The following RNMT variants were observed in gnomAD, a reference collection of about 807,000 sequenced individuals.
The protein encoded by RNMT is mRNA cap guanine-N(7) methyltransferase.
In RNMT, 27 loss-of-function variants were observed where a neutral mutation model predicts 56.0. The ratio of observed to expected loss-of-function variants is 0.48; its 90% CI spans 0.36 to 0.67. The LOEUF is 0.67. RNMT is among the 30% of genes least tolerant of loss of function. The pLI is 0.00. For missense variants in RNMT, 519 were observed against 552.1 expected, an observed-to-expected ratio of 0.94 and a Z score of 0.60; for synonymous variants, 184 against 176.2, an observed-to-expected ratio of 1.04 and a Z score of -0.35.
At position 13,760,192 on chromosome 18, in the gene RNMT, T is replaced by C. The variant is rs2044602433; in HGVS notation, c.*213T>C. On this transcript the variant is annotated 3_prime_UTR_variant, in exon 12 of 12. Transcript: ENST00000383314. ...AAGAATGAGTTGGGACCTCTGTCTT[T>C]AAAAATCTATTTTTAGGTAATGTTC... The C allele has an allele frequency of 7.9e-7, 1 of 1,258,410 alleles. No individual in the cohort carries two copies. Among genetic ancestry groups the C allele is most frequent in the African/African-American group, 1.5e-5 (1 of 65,322 alleles). The allele number at this position is 1,258,410 out of a possible 1,614,324, so 78.0% of individuals were successfully genotyped here.
chr18:13,741,744 A>C lies in RNMT; in HGVS notation c.974+53A>C, dbSNP rs541403846. The C allele has an allele frequency of 3.6e-4, 419 of 1,160,194 alleles. 2 individuals are homozygous for C. Among genetic ancestry groups the C allele is most frequent in the Admixed American group, 1.2e-3 (51 of 41,584 alleles). The allele number at this position is 1,160,194 out of a possible 1,614,324, so 71.9% of individuals were successfully genotyped here. A position where few individuals can be genotyped will look rare whatever the true frequency, so the allele number is the denominator to read the frequency against. ...TATAAAATATTCAGTATTAAGTAGC[A>C]AATGTTTATCAGAGGTAGATTTTAT... On this transcript the variant is annotated intron_variant, in intron 7 of 11. Coordinates refer to ENST00000383314, the MANE Select transcript of RNMT (RefSeq NM_003799.3).
At chr18:13,753,994 G>A (rs1012122841) in intron 10 of RNMT, 120 bp from the exon 11 acceptor site, 9 of 596,582 alleles carry the variant, frequency 1.5e-5, no homozygotes, top group African/African-American at 1.9e-5. Context: ...ACAGTGAATC[G>A]AATGTGTATT....
At chr18:13,751,105 A>G (rs2044436682) in intron 9 of RNMT, among the ~76,000 whole-genome samples, 1 of 152,174 alleles carries the variant, frequency 6.6e-6, no homozygotes, top group Admixed American at 6.5e-5. Context: ...AAAAGCCAAA[A>G]CTGACAAATG....
rs921084384 is a variant in RNMT, at chr18:13,764,101, G to C, written c.*4122G>C. 1 of 152,182 alleles carries C rather than the reference G, an allele frequency of 6.6e-6. No individual in the cohort carries two copies. The highest frequency in any genetic ancestry group is 1.5e-5 in the Non-Finnish European group (1 of 68,048). 9.4% of individuals were successfully genotyped at this position (152,182 alleles called of 1,614,324 possible). A position where few individuals can be genotyped will look rare whatever the true frequency, so the allele number is the denominator to read the frequency against. ...GATTCTCTTCCCACCCTCACCATTT[G>C]CAAGTGGCAGGAGCTGAGAATGCCA... On this transcript the variant is annotated 3_prime_UTR_variant, in exon 12 of 12. Transcript: ENST00000383314.
intron 4 of RNMT, 116 bp downstream of exon 4, chr18:13,734,715 T>A: frequency 1.2e-6 from 1 of 849,030 alleles, no homozygotes. Context: ...TTCTAATATT[T>A]ACTTTTGGTT....
intron 8 of RNMT, 160 bp downstream of exon 8, chr18:13,742,812 C>G (rs1370740417): frequency 5.5e-6 from 3 of 547,338 alleles, no homozygotes; most frequent in African/African-American, 2.0e-5. Flanking sequence ...AAAAACAAAA[C>G]AAGACTAGCT....
At chr18:13,750,960 T>G (rs1158433034) in intron 9 of RNMT, among the ~76,000 whole-genome samples, 1 of 152,090 alleles carries the variant, frequency 6.6e-6, no homozygotes, top group African/African-American at 2.4e-5. Context: ...ATATAAAAAT[T>G]AACTCAAGAT....
intron 1 of RNMT, among the ~76,000 whole-genome samples, chr18:13,729,204 T>C (rs988193181): frequency 6.6e-6 from 1 of 152,252 alleles, no homozygotes; most frequent in Non-Finnish European, 1.5e-5. Flanking sequence ...GACTGTCTTT[T>C]CACTATGTAC....
chr18:13,752,470 AAG>A, intron 10 of RNMT, 43 bp downstream of exon 10: 1 of 1,215,366 alleles, frequency 8.2e-7, no homozygotes. Context: ...GAATGAAAAA[AAG>A]AACATGCTTA....
chr18:13,760,129 T>A lies in RNMT; in HGVS notation c.*150T>A. On this transcript the variant is annotated 3_prime_UTR_variant, in exon 12 of 12. Transcript: ENST00000383314. ...AAACTCCAATGTAGAAATTCAACAT[T>A]TGCTGTCTGTGACAGATGAACTTTT... 10 of 1,387,098 alleles carry A rather than the reference T, an allele frequency of 7.2e-6. No homozygotes were observed. The highest frequency in any genetic ancestry group is 9.4e-6 in the Non-Finnish European group (10 of 1,068,238). 85.9% of individuals were successfully genotyped at this position (1,387,098 alleles called of 1,614,324 possible).
chr18:13,740,471 GCTCAAGTGATTCTCCTGCCTCCCAGC>G (rs1336887062), intron 6 of RNMT, among the ~76,000 whole-genome samples, 192 bp downstream of exon 6: 1 of 152,070 alleles, frequency 6.6e-6, no homozygotes, highest in East Asian at 1.9e-4. Flanking sequence ...TGCCTCCCAG[GCTCAAGTGATTCTCCTGCCTCCCAGC>G]CTCCTGAGTA....
chr18:13,729,531 C>G (rs182463179), intron 1 of RNMT, among the ~76,000 whole-genome samples: 7 of 152,260 alleles, frequency 4.6e-5, no homozygotes, highest in Admixed American at 4.6e-4. Context: ...TCCAGTTTTT[C>G]TAGATAATCA....
Position 13,741,501 on chromosome 18 carries a change from T to G in RNMT, c.793-9T>G. The G allele has an allele frequency of 6.2e-7, 1 of 1,603,058 alleles. No individual in the cohort carries two copies. The highest frequency in any genetic ancestry group is 8.5e-7 in the Non-Finnish European group (1 of 1,173,780). Reference sequence around the variant, plus strand: ...CCTCACAATCTTAACTCATTTTAATTTGTTTCAGGAACTTCTGATTGACAA... The same window carrying G: ...CCTCACAATCTTAACTCATTTTAATGTGTTTCAGGAACTTCTGATTGACAA... On this transcript the variant is annotated splice_polypyrimidine_tract_variant and intron_variant, in intron 6 of 11. Transcript: ENST00000383314.
At position 13,761,920 on chromosome 18, in the gene RNMT, A is replaced by G; in HGVS notation, c.*1941A>G. ...TCTGGATATTGACTTAAGAACTGTT[A>G]GGAAGAGGACTAGAAAAGGCTTCCC... On this transcript the variant is annotated 3_prime_UTR_variant, in exon 12 of 12. Coordinates refer to ENST00000383314, the MANE Select transcript of RNMT (RefSeq NM_003799.3). 8.0e-7 allele frequency: 1 copy of G among 1,244,114 alleles called. No homozygotes were observed. The highest frequency in any genetic ancestry group is 1.4e-5 in the South Asian group (1 of 70,192). 77.1% of individuals were successfully genotyped at this position (1,244,114 alleles called of 1,614,324 possible). A position where few individuals can be genotyped will look rare whatever the true frequency, so the allele number is the denominator to read the frequency against.
intron 9 of RNMT, among the ~76,000 whole-genome samples, chr18:13,750,733 C>A (rs1371019001): frequency 1.3e-5 from 2 of 151,564 alleles, no homozygotes; most frequent in Non-Finnish European, 2.9e-5. Flanking sequence ...CTCGGGAGGC[C>A]AAGGTTGCAG....
At chr18:13,748,201 AAGT>A (rs1187344524) in intron 9 of RNMT, among the ~76,000 whole-genome samples, 2 of 152,196 alleles carry the variant, frequency 1.3e-5, no homozygotes, top group South Asian at 4.1e-4. Flanking sequence ...ATGTTTGAGG[AAGT>A]AGTGCTAATG....
At chr18:13,752,472 G>T in intron 10 of RNMT, 45 bp downstream of exon 10, 2 of 1,204,448 alleles carry the variant, frequency 1.7e-6, no homozygotes, top group Non-Finnish European at 1.2e-6. Context: ...ATGAAAAAAA[G>T]AACATGCTTA....
rs376581813 is a variant in RNMT at position 13,752,145 on chromosome 18, A to G, written c.1258-181A>G. On this transcript the variant is annotated intron_variant, in intron 9 of 11. Coordinates refer to ENST00000383314, the MANE Select transcript of RNMT (RefSeq NM_003799.3). Reference sequence around the variant, plus strand: ...TATAATATTTAAAAAAAATTGGTTTAAGAGAGGATTCTTCCTTTTTTTTAA... The same window carrying G: ...TATAATATTTAAAAAAAATTGGTTTGAGAGAGGATTCTTCCTTTTTTTTAA... 5.9e-5 allele frequency among the ~76,000 whole-genome samples: 9 copies of G among 152,314 alleles called. No homozygotes were observed. In the East Asian group the frequency reaches 7.7e-4, roughly 13 times the overall value.
intron 2 of RNMT, 93 bp downstream of exon 2, chr18:13,730,848 T>C (rs1174814972): frequency 1.3e-5 from 2 of 152,264 alleles, no homozygotes; most frequent in Non-Finnish European, 2.9e-5. Context: ...TGGTGCCTGT[T>C]TGTTATGGTG....
Sources: allele counts gnomAD v4.1 joint callset (sites outside exome capture counted in the v4.1 genomes callset), GRCh38; gene constraint gnomAD v4.1.1; transcripts MANE v1.5; gene names NCBI Gene and HGNC (gene_info 2026-07-23, HGNC 2026-07-21).